AGBL1: variants seen among roughly 807,000 people sequenced by gnomAD.
AGBL1 encodes the protein cytosolic carboxypeptidase 4.
In AGBL1, 130 loss-of-function variants were observed where a neutral mutation model predicts 118.9. That is an observed-to-expected ratio of 1.09 (90% confidence interval 0.95 to 1.26). The LOEUF is 1.26. AGBL1 is among the 50% of genes most tolerant of loss of function. The pLI is 0.00. For synonymous variants in AGBL1, 555 were observed against 478.9 expected (o/e 1.16, Z -2.08); for missense variants, 1,584 against 1,298.1 (o/e 1.22, Z -3.38).
intron 21 of AGBL1, among the ~76,000 whole-genome samples, chr15:86,557,729 A>G (rs1269506897): frequency 3.9e-5 from 6 of 152,166 alleles, no homozygotes; most frequent in Non-Finnish European, 8.8e-5. Flanking sequence ...AAGGCCTTTT[A>G]CAATCTCTTC....
At chr15:86,526,604 A>G (rs1247737998) in intron 19 of AGBL1, among the ~76,000 whole-genome samples, 2 of 146,394 alleles carry the variant, frequency 1.4e-5, no homozygotes, top group African/African-American at 5.0e-5. Flanking sequence ...TATATAGTGT[A>G]TATATATATA....
chr15:86,344,809 C>T (rs539622455), intron 17 of AGBL1, among the ~76,000 whole-genome samples: 1 of 151,998 alleles, frequency 6.6e-6, no homozygotes, highest in East Asian at 1.9e-4. Context: ...AATGTAGGCT[C>T]TTTCTGGAGC....
intron 18 of AGBL1, among the ~76,000 whole-genome samples, chr15:86,518,721 A>T (rs1312257549): frequency 6.6e-6 from 1 of 152,056 alleles, no homozygotes; most frequent in Non-Finnish European, 1.5e-5. Context: ...TGAAATTCCC[A>T]CCTAAAAACA....
chr15:86,835,079 T>C (rs2141424014), intron 22 of AGBL1, among the ~76,000 whole-genome samples: 1 of 152,262 alleles, frequency 6.6e-6, no homozygotes, highest in African/African-American at 2.4e-5. Context: ...TTTTCCAGGC[T>C]CTTGCTTCCC....
rs1453481162 is a variant in AGBL1 at position 86,914,949 on chromosome 15, T to C, written c.*7655T>C. On this transcript the variant is annotated 3_prime_UTR_variant, in exon 23 of 23. Coordinates refer to ENST00000614907, the MANE Select transcript of AGBL1 (RefSeq NM_001386094.1). ...ACTCAACAGGTTCAAAGTCAAAATC[T>C]CCTCCCAACAAAATCTCTACCTCCA... is the stretch of plus-strand genomic sequence containing the variant. 8 of 152,104 alleles carry C rather than the reference T, an allele frequency of 5.3e-5. No individual in the cohort carries two copies. Among genetic ancestry groups the C allele is most frequent in the Non-Finnish European group, 8.8e-5 (6 of 68,022 alleles). 9.4% of individuals were successfully genotyped at this position (152,104 alleles called of 1,614,324 possible). A position where few individuals can be genotyped will look rare whatever the true frequency, so the allele number is the denominator to read the frequency against.
intron 21 of AGBL1, among the ~76,000 whole-genome samples, chr15:86,667,854 G>A (rs768339081): frequency 6.6e-6 from 1 of 152,122 alleles, no homozygotes; most frequent in Non-Finnish European, 1.5e-5. Flanking sequence ...GTTTTGTATT[G>A]CTGTAAGGGA....
At position 86,991,201 on chromosome 15, in the gene AGBL1, G is replaced by A. The variant is rs1446780369; in HGVS notation, c.3323+3113G>A. Reference sequence around the variant, plus strand: ...TGGATCTGAATTTTCTCTGGCAAATGATACAAAAGTCTTTTTCTTTTTATT... The same window carrying A: ...TGGATCTGAATTTTCTCTGGCAAATAATACAAAAGTCTTTTTCTTTTTATT... On this transcript the variant is annotated intron_variant, in intron 24 of 24. Transcript: ENST00000441037. Among the ~76,000 whole-genome samples, 3 of 152,144 alleles carry A rather than the reference G, an allele frequency of 2.0e-5. No homozygotes were observed. In the East Asian group the frequency reaches 5.8e-4, roughly 29 times the overall value.
At chr15:86,878,018 A>G (rs1047155150) in intron 22 of AGBL1, among the ~76,000 whole-genome samples, 8 of 152,330 alleles carry the variant, frequency 5.3e-5, no homozygotes, top group African/African-American at 1.9e-4. Context: ...AGAACACTGG[A>G]AAGTGTAAAC....
intron 15 of AGBL1, among the ~76,000 whole-genome samples, chr15:86,278,488 T>G (rs2079294987): frequency 6.6e-6 from 1 of 152,152 alleles, no homozygotes; most frequent in Admixed American, 6.5e-5. Context: ...AAAAACAGAT[T>G]TTCTATCTCT....
intron 22 of AGBL1, among the ~76,000 whole-genome samples, chr15:86,699,490 T>C (rs1299248067): frequency 2.6e-5 from 4 of 152,100 alleles, no homozygotes; most frequent in Non-Finnish European, 5.9e-5. Context: ...TTCATTTCGT[T>C]TTCAAATCTA....
At chr15:86,196,879 G>GCGCGCGCGCGCGCACA (rs756313941) in intron 5 of AGBL1, among the ~76,000 whole-genome samples, 7 of 117,014 alleles carry the variant, frequency 6.0e-5, no homozygotes, top group African/African-American at 2.5e-4. Flanking sequence ...GCGCGCGCGC[G>GCGCGCGCGCGCGCACA]CACACACACA....
chr15:86,874,151 A>G (rs1338778229), intron 22 of AGBL1, among the ~76,000 whole-genome samples: 1 of 152,130 alleles, frequency 6.6e-6, no homozygotes, highest in Non-Finnish European at 1.5e-5. Context: ...ATTATTTCCT[A>G]TAATATCATG....
intron 18 of AGBL1, among the ~76,000 whole-genome samples, chr15:86,460,914 T>C (rs1484550569): frequency 6.6e-6 from 1 of 152,200 alleles, no homozygotes; most frequent in Non-Finnish European, 1.5e-5. Flanking sequence ...CTATTAACGT[T>C]GCATTTTGTT....
chr15:86,270,195 G>C, intron 14 of AGBL1, 128 bp downstream of exon 14: 1 of 1,271,170 alleles, frequency 7.9e-7, no homozygotes, highest in African/African-American at 1.5e-5. Context: ...TGGGTTGCCA[G>C]GTGCAGCAAG....
chr15:86,768,073 C>T (rs562717972), intron 22 of AGBL1, among the ~76,000 whole-genome samples: 1 of 152,078 alleles, frequency 6.6e-6, no homozygotes, highest in South Asian at 2.1e-4. Context: ...GATCATGTTG[C>T]TTCAAGCCAG....
At chr15:86,289,966 A>C (rs909628969) in intron 16 of AGBL1, among the ~76,000 whole-genome samples, 2 of 152,186 alleles carry the variant, frequency 1.3e-5, no homozygotes, top group African/African-American at 2.4e-5. Flanking sequence ...TTAGAGACCC[A>C]TTGTTCTAGT....
chr15:86,698,625 T>TTTAA lies in AGBL1; in HGVS notation c.3158+24189_3158+24190insTTAA, dbSNP rs746434101. ...GCTGATCATTGTTTTTTTTTTTTTT[T>TTTAA]AAAAAGAGACCAACAGGATTTATGG... On this transcript the variant is annotated intron_variant, in intron 22 of 22. Transcript: ENST00000614907. 1.6e-3 allele frequency among the ~76,000 whole-genome samples: 236 copies of TTTAA among 150,748 alleles called. 5 individuals are homozygous for TTTAA. In the East Asian group the frequency reaches 0.021, roughly 13 times the overall value.
At chr15:86,689,224 C>G (rs1355212846) in intron 22 of AGBL1, among the ~76,000 whole-genome samples, 1 of 152,110 alleles carries the variant, frequency 6.6e-6, no homozygotes, top group African/African-American at 2.4e-5. Flanking sequence ...GCTGGCTCCT[C>G]TTTGACATTC....
intron 18 of AGBL1, among the ~76,000 whole-genome samples, chr15:86,459,716 T>G (rs536074126): frequency 3.9e-5 from 6 of 152,262 alleles, no homozygotes; most frequent in African/African-American, 1.4e-4. Flanking sequence ...AAAGGTCATA[T>G]GCTTTTTGGA....
Sources: allele counts gnomAD v4.1 joint callset (sites outside exome capture counted in the v4.1 genomes callset), GRCh38; gene constraint gnomAD v4.1.1; transcripts MANE v1.5; gene names NCBI Gene and HGNC (gene_info 2026-07-23, HGNC 2026-07-21).